KBTBD3: variants seen among roughly 807,000 people sequenced by gnomAD.
KBTBD3 encodes the protein kelch repeat and BTB domain containing 3, also known as kelch repeat and BTB domain-containing protein 3.
In KBTBD3, 38 loss-of-function variants were observed where a neutral mutation model predicts 49.6. The observed-to-expected ratio is 0.77, with a 90% CI of 0.59 to 1.00. The LOEUF (loss-of-function observed/expected upper bound fraction) is 1.00, where lower values mean the gene tolerates loss of function less well. KBTBD3 is among the 50% of genes least tolerant of loss of function. The pLI is 0.00. For synonymous variants in KBTBD3, 214 were observed against 250.4 expected (o/e 0.85, Z 1.37); for missense variants, 661 against 712.0 (o/e 0.93, Z 0.81).
rs1440034185 is a variant in KBTBD3 at position 106,067,125 on chromosome 11, T to A, written c.-12-8016A>T. On this transcript the variant is annotated intron_variant, in intron 2 of 3. Transcript: ENST00000531837. ...AAGGAGCAACCTAACAAGACAAAAG[T>A]TTTAAGGAAATAACCACTCCACCAG... Among the ~76,000 whole-genome samples the A allele has an allele frequency of 2.6e-5, 4 of 151,940 alleles. No individual in the cohort carries two copies. In the East Asian group the frequency reaches 7.7e-4, roughly 29 times the overall value.
chr11:106,068,707 G>A (rs1169829903), intron 2 of KBTBD3, among the ~76,000 whole-genome samples: 1 of 146,798 alleles, frequency 6.8e-6, no homozygotes, highest in Non-Finnish European at 1.5e-5. Context: ...GTATTACTGT[G>A]GTACTCCAGA....
rs199712772 is a variant in KBTBD3, at chr11:106,068,121, GA to G, written c.-13+8385del. 3.9e-3 allele frequency among the ~76,000 whole-genome samples: 572 copies of G among 145,332 alleles called. 2 individuals are homozygous for G. Among genetic ancestry groups the G allele is most frequent in the Non-Finnish European group, 5.8e-3 (380 of 66,006 alleles). On this transcript the variant is annotated intron_variant, in intron 2 of 3. Coordinates refer to ENST00000531837, the MANE Select transcript of KBTBD3 (RefSeq NM_198439.3). ...ATGTGAAGCAAAAACTGATAAAACT[GA>G]AAAAAAAATAGACAAATCCACTATT...
chr11:106,065,637 G>T (rs1036185871), intron 2 of KBTBD3, among the ~76,000 whole-genome samples: 3 of 152,058 alleles, frequency 2.0e-5, no homozygotes, highest in Non-Finnish European at 4.4e-5. Flanking sequence ...TGGAAATAAT[G>T]GGCACAATTT....
chr11:106,054,673 C>T (rs1055132914), intron 3 of KBTBD3, among the ~76,000 whole-genome samples: 2 of 151,646 alleles, frequency 1.3e-5, no homozygotes, highest in Non-Finnish European at 2.9e-5. Context: ...ATGTACATTA[C>T]AGCTGAGCTA....
At chr11:106,067,055 A>T (rs1167551959) in intron 2 of KBTBD3, among the ~76,000 whole-genome samples, 6 of 152,148 alleles carry the variant, frequency 3.9e-5, no homozygotes, top group African/African-American at 1.4e-4. Context: ...GTGGGCACAC[A>T]CATAAACAGC....
intron 2 of KBTBD3, among the ~76,000 whole-genome samples, chr11:106,069,919 C>T (rs1293336809): frequency 3.3e-5 from 5 of 152,000 alleles, no homozygotes; most frequent in African/African-American, 1.2e-4. Flanking sequence ...ACACATAGAT[C>T]AGTGGAATGC....
chr11:106,054,114 T>G lies in KBTBD3; in HGVS notation c.575A>C (p.Glu192Ala), dbSNP rs762556122. 2 of 1,613,262 alleles carry G rather than the reference T, an allele frequency of 1.2e-6. No individual in the cohort carries two copies. The highest frequency in any genetic ancestry group is 1.3e-5 in the African/African-American group (1 of 75,020). Reference sequence around the variant, plus strand: ...TTTCTGTAGTACTCCAAAATTCATCTCTAAGAAATCACTGGATTTAAATAA... The same window carrying G: ...TTTCTGTAGTACTCCAAAATTCATCGCTAAGAAATCACTGGATTTAAATAA... ...SLLFKSSDFL[E>A]MNFGVLQKCL... Residue 192 changes from glutamate to alanine, a missense_variant, in exon 4 of 4, where the codon GAG becomes GCG. Physicochemically the swap from Glu to Ala is moderately radical, Grantham distance 107 (BLOSUM62 -1). Coordinates refer to ENST00000531837, the MANE Select transcript of KBTBD3 (RefSeq NM_198439.3).
chr11:106,053,751 C>A lies in KBTBD3; in HGVS notation c.938G>T (p.Cys313Phe), dbSNP rs1217844631. The A allele has an allele frequency of 1.2e-6, 2 of 1,613,544 alleles. No individual in the cohort carries two copies. Among genetic ancestry groups the A allele is most frequent in the Admixed American group, 1.7e-5 (1 of 59,968 alleles). Reference protein sequence around the residue: ...EENGENQYTFCYNIKSDSWKI... With the variant: ...EENGENQYTFFYNIKSDSWKI... ...CCATGAATCAGATTTAATGTTATAGCAAAATGTATATTGATTTTCTCCATT... is the reference window on the plus strand; with the variant it reads ...CCATGAATCAGATTTAATGTTATAGAAAAATGTATATTGATTTTCTCCATT... The change falls in exon 4 of 4, where the codon TGC becomes TTC. Residue 313 changes from cysteine to phenylalanine, a missense_variant. Physicochemically the swap from Cys to Phe is radical, Grantham distance 205. Coordinates refer to ENST00000531837, the MANE Select transcript of KBTBD3 (RefSeq NM_198439.3).
At chr11:106,063,105 T>G (rs1273692428) in intron 2 of KBTBD3, among the ~76,000 whole-genome samples, 1 of 152,252 alleles carries the variant, frequency 6.6e-6, no homozygotes, top group East Asian at 1.9e-4. Flanking sequence ...GAGGTTACCC[T>G]CTGTAGCCAG....
At chr11:106,075,750 A>G (rs1460730387) in intron 2 of KBTBD3, among the ~76,000 whole-genome samples, 1 of 152,202 alleles carries the variant, frequency 6.6e-6, no homozygotes, top group Admixed American at 6.5e-5. Context: ...GAACAGAGAC[A>G]TTCTGTTTGG....
intron 2 of KBTBD3, chr11:106,075,898 C>T (rs1173690903): frequency 6.6e-6 from 1 of 152,192 alleles, no homozygotes; most frequent in Non-Finnish European, 1.5e-5. Flanking sequence ...AGATCTAATA[C>T]ACAGAGATCT....
intron 2 of KBTBD3, among the ~76,000 whole-genome samples, chr11:106,062,677 C>A (rs1860725764): frequency 6.6e-6 from 1 of 152,234 alleles, no homozygotes. Context: ...TTTACTTGGT[C>A]TCCTGATTCA....
In KBTBD3 at chr11:106,059,173, C is replaced by A. The variant is rs1445191298; in HGVS notation, c.-12-64G>T. 5.7e-6 allele frequency: 5 copies of A among 881,440 alleles called. No homozygotes were observed. The South Asian group carries it at 7.2e-5, about 13-fold the overall frequency. The allele number at this position is 881,440 out of a possible 1,614,324, so 54.6% of individuals were successfully genotyped here. ...AATGCAAGTTTCAGACTCCAAAATTCGCCCTCTTGATGGCAAATACACAAA... is the reference window on the plus strand; with the variant it reads ...AATGCAAGTTTCAGACTCCAAAATTAGCCCTCTTGATGGCAAATACACAAA... On this transcript the variant is annotated intron_variant, in intron 2 of 3. Coordinates refer to ENST00000531837, the MANE Select transcript of KBTBD3 (RefSeq NM_198439.3).
chr11:106,063,421 A>C lies in KBTBD3; in HGVS notation c.-12-4312T>G, dbSNP rs73537618. Among the ~76,000 whole-genome samples the C allele has an allele frequency of 3.3e-3, 507 of 152,352 alleles. 2 individuals are homozygous for C. Among genetic ancestry groups the C allele is most frequent in the African/African-American group, 0.011 (475 of 41,580 alleles). On this transcript the variant is annotated intron_variant, in intron 2 of 3. Coordinates refer to ENST00000531837, the MANE Select transcript of KBTBD3 (RefSeq NM_198439.3). The stretch of plus-strand genomic sequence containing the variant: ...CTGATTCATGAATTGTTCTTTGCTC[A>C]AACTCCGTTAAATTTTATTTATCTA...
At chr11:106,058,667 G>A (rs557287275) in intron 3 of KBTBD3, 198 bp downstream of exon 3, 16 of 503,538 alleles carry the variant, frequency 3.2e-5, no homozygotes, top group African/African-American at 2.7e-4. Context: ...CAGGTGATCC[G>A]CCCGCCTTGG....
chr11:106,052,739 T>C lies in KBTBD3; in HGVS notation c.*111A>G. 1.2e-6 allele frequency: 1 copy of C among 850,718 alleles called. No individual in the cohort carries two copies. The highest frequency in any genetic ancestry group is 1.8e-5 in the South Asian group (1 of 56,250). 52.7% of individuals were successfully genotyped at this position (850,718 alleles called of 1,614,324 possible). Reference sequence around the variant, plus strand: ...ATTCATATATGGTGTACATACATAATAACTAAAAGCAGGAATGTTTTATTT... The same window carrying C: ...ATTCATATATGGTGTACATACATAACAACTAAAAGCAGGAATGTTTTATTT... On this transcript the variant is annotated 3_prime_UTR_variant, in exon 4 of 4. Transcript: ENST00000531837.
chr11:106,073,970 A>T (rs950251813), intron 2 of KBTBD3, among the ~76,000 whole-genome samples: 2 of 152,224 alleles, frequency 1.3e-5, no homozygotes, highest in African/African-American at 4.8e-5. Flanking sequence ...GTAGGGTCCA[A>T]GTCATTCATT....
At chr11:106,066,047 G>T (rs1860805691) in intron 2 of KBTBD3, among the ~76,000 whole-genome samples, 1 of 151,870 alleles carries the variant, frequency 6.6e-6, no homozygotes, top group South Asian at 2.1e-4. Context: ...GTATAGATGG[G>T]AGAAACTTGT....
rs192493983 is a variant in KBTBD3, at chr11:106,052,793, T to G, written c.*57A>C. The G allele has an allele frequency of 1.5e-6, 2 of 1,348,328 alleles. No individual in the cohort carries two copies. 83.5% of individuals were successfully genotyped at this position (1,348,328 alleles called of 1,614,324 possible). ...TAAGATGTATAGATCTTTTTACCTA[T>G]CATTTTGGTTAACAAATTTACTTTA... On this transcript the variant is annotated 3_prime_UTR_variant, in exon 4 of 4. Transcript: ENST00000531837.
Sources: gnomAD v4.1 joint callset for allele counts (sites outside exome capture counted in the v4.1 genomes callset) on GRCh38, gnomAD v4.1.1 for gene constraint, MANE v1.5 for transcripts, NCBI Gene and HGNC (gene_info 2026-07-23, HGNC 2026-07-21) for gene names.